The following ATP9B variants were observed in gnomAD, a reference collection of about 807,000 sequenced individuals.
The protein encoded by ATP9B is ATPase phospholipid transporting 9B.
A neutral mutation model predicts 146.1 loss-of-function variants in ATP9B; 110 were observed. The ratio of observed to expected loss-of-function variants is 0.75; its 90% CI spans 0.65 to 0.88. The LOEUF is 0.88. ATP9B is among the 40% of genes least tolerant of loss of function. The pLI, the probability that ATP9B is intolerant of heterozygous loss-of-function variation, is 0.00. For missense variants in ATP9B, 1,499 were observed against 1,496.4 expected (o/e 1.00, Z -0.03); for synonymous variants, 604 against 569.7 (o/e 1.06, Z -0.86).
intron 12 of ATP9B, among the ~76,000 whole-genome samples, chr18:79,266,085 T>C (rs2096200804): frequency 6.6e-6 from 1 of 152,138 alleles, no homozygotes; most frequent in Non-Finnish European, 1.5e-5. Flanking sequence ...CTATTCTGTT[T>C]CATTCATCCT....
At chr18:79,278,313 C>T (rs183739734) in intron 13 of ATP9B, among the ~76,000 whole-genome samples, 81 of 152,276 alleles carry the variant, frequency 5.3e-4, no homozygotes, top group African/African-American at 1.9e-3. Flanking sequence ...CACTCGAACT[C>T]GATGGTGGTG....
chr18:79,310,664 G>A (rs137877696), intron 15 of ATP9B, among the ~76,000 whole-genome samples: 16 of 152,224 alleles, frequency 1.1e-4, no homozygotes, highest in African/African-American at 3.4e-4. Context: ...ACTAGATCTC[G>A]TGTCCTGAAG....
chr18:79,167,417 A>G (rs547775032), intron 7 of ATP9B, among the ~76,000 whole-genome samples: 1 of 152,188 alleles, frequency 6.6e-6, no homozygotes, highest in Non-Finnish European at 1.5e-5. Flanking sequence ...CTCAGTGGAG[A>G]GGAGACCCGG....
At chr18:79,332,512 T>C (rs1157838156) in intron 17 of ATP9B, among the ~76,000 whole-genome samples, 1 of 152,194 alleles carries the variant, frequency 6.6e-6, no homozygotes. Flanking sequence ...GTGAAGACCT[T>C]CTGACTTTCT....
At chr18:79,376,838 G>T (rs1240932739) in intron 29 of ATP9B, among the ~76,000 whole-genome samples, 1 of 151,886 alleles carries the variant, frequency 6.6e-6, no homozygotes, top group Non-Finnish European at 1.5e-5. Flanking sequence ...GGGATTACAG[G>T]TGTCCACCAC....
At chr18:79,157,046 C>CT (rs1285831790) in intron 7 of ATP9B, among the ~76,000 whole-genome samples, 1 of 151,978 alleles carries the variant, frequency 6.6e-6, no homozygotes. Flanking sequence ...TTTGTTAAGG[C>CT]TTTTTTTGCA....
At chr18:79,318,525 A>C (rs990474704) in intron 15 of ATP9B, among the ~76,000 whole-genome samples, 1 of 152,284 alleles carries the variant, frequency 6.6e-6, no homozygotes, top group East Asian at 1.9e-4. Context: ...GTAGCAGCCA[A>C]GAGAAGACAT....
In ATP9B at chr18:79,236,473, C is replaced by CT. The variant is rs139762358; in HGVS notation, c.1108-16898dup. On this transcript the variant is annotated intron_variant, in intron 11 of 29. Coordinates refer to ENST00000426216, the MANE Select transcript of ATP9B (RefSeq NM_198531.5). ...CTCAGTTGTAACATTGTTTATCAAC[C>CT]TTTTTTTTTTATGGTTTAAGAACTA... 2.4e-3 allele frequency among the ~76,000 whole-genome samples: 351 copies of CT among 148,538 alleles called. 1 individual carries two copies. The highest frequency in any genetic ancestry group is 3.5e-3 in the Non-Finnish European group (232 of 66,792).
At chr18:79,362,177 A>T (rs889512673) in intron 26 of ATP9B, 5 of 152,198 alleles carry the variant, frequency 3.3e-5, no homozygotes, top group African/African-American at 1.2e-4. Flanking sequence ...TTGGAAAGAA[A>T]ATCTCCTCTT....
In ATP9B at chr18:79,290,349, G is replaced by A. The variant is rs567274408; in HGVS notation, c.1411+13153G>A. On this transcript the variant is annotated intron_variant, in intron 13 of 29. Transcript: ENST00000426216. ...GCGCCCCTCCCCCAGCCTTGCTGCC[G>A]CCTTGCAGTTTGATCTCAGACTGCT... 2.2e-4 allele frequency among the ~76,000 whole-genome samples: 34 copies of A among 152,278 alleles called. No individual in the cohort carries two copies. The South Asian group carries it at 5.8e-3, about 26-fold the overall frequency.
At chr18:79,248,264 A>G (rs2095988514) in intron 11 of ATP9B, among the ~76,000 whole-genome samples, 1 of 151,510 alleles carries the variant, frequency 6.6e-6, no homozygotes, top group Non-Finnish European at 1.5e-5. Flanking sequence ...TTTAATTTAA[A>G]CTTCGTAATG....
chr18:79,193,048 A>C (rs193217020), intron 8 of ATP9B, 135 bp from the exon 9 acceptor site: 12 of 694,238 alleles, frequency 1.7e-5, no homozygotes, highest in Non-Finnish European at 2.8e-5. Flanking sequence ...TAGTGTTGGC[A>C]CACAAAAATC....
intron 4 of ATP9B, among the ~76,000 whole-genome samples, chr18:79,119,546 A>G (rs2094152524): frequency 6.6e-6 from 1 of 152,184 alleles, no homozygotes; most frequent in Non-Finnish European, 1.5e-5. Context: ...TATTCATATA[A>G]AAGATACTGT....
In ATP9B at chr18:79,171,640, G is replaced by A. The variant is rs145073002; in HGVS notation, c.779-5173G>A. Among the ~76,000 whole-genome samples the A allele has an allele frequency of 3.5e-3, 530 of 152,134 alleles. 4 individuals carry two copies. Among genetic ancestry groups the A allele is most frequent in the South Asian group, 0.02 (98 of 4,814 alleles). On this transcript the variant is annotated intron_variant, in intron 7 of 29. Coordinates refer to ENST00000426216, the MANE Select transcript of ATP9B (RefSeq NM_198531.5). ...GTTGACACTGGTACAGTGTGTGCGC[G>A]TAAGGCTGTGTTATTTCATCTTGAG... is the stretch of plus-strand genomic sequence containing the variant.
At chr18:79,070,492 A>G (rs2071599464) in intron 1 of ATP9B, among the ~76,000 whole-genome samples, 1 of 152,210 alleles carries the variant, frequency 6.6e-6, no homozygotes, top group African/African-American at 2.4e-5. Context: ...ATTATTGGAG[A>G]TTACAGTAGA....
At chr18:79,097,300 A>C (rs954535779) in intron 2 of ATP9B, among the ~76,000 whole-genome samples, 1 of 151,790 alleles carries the variant, frequency 6.6e-6, no homozygotes, top group East Asian at 1.9e-4. Context: ...CTCCTCTGGT[A>C]TATCTTTTAC....
chr18:79,368,275 C>T (rs144468063), intron 26 of ATP9B, among the ~76,000 whole-genome samples: 218 of 152,344 alleles, frequency 1.4e-3, no homozygotes, highest in Non-Finnish European at 2.6e-3. Flanking sequence ...CGCCAGGTGC[C>T]TGTGGTCCCA....
intron 23 of ATP9B, among the ~76,000 whole-genome samples, chr18:79,346,241 G>A (rs571689343): frequency 6.0e-5 from 9 of 149,646 alleles, no homozygotes; most frequent in East Asian, 4.0e-4. Flanking sequence ...TGTGCTCAGC[G>A]CACAGTCAGC....
intron 11 of ATP9B, among the ~76,000 whole-genome samples, chr18:79,249,994 G>A (rs2096007165): frequency 6.6e-6 from 1 of 152,176 alleles, no homozygotes; most frequent in East Asian, 1.9e-4. Context: ...TCCACTAAAT[G>A]TTTTATTGCT....
Sources: allele counts gnomAD v4.1 joint callset (sites outside exome capture counted in the v4.1 genomes callset), GRCh38; gene constraint gnomAD v4.1.1; transcripts MANE v1.5; gene names NCBI Gene and HGNC (gene_info 2026-07-23, HGNC 2026-07-21).